The following CUEDC1 variants were observed in gnomAD, a reference collection of about 807,000 sequenced individuals.
CUEDC1 encodes the protein CUE domain-containing protein 1.
Under a neutral mutation model 43.7 loss-of-function variants are expected in CUEDC1, and 30 were observed. The ratio of observed to expected loss-of-function variants is 0.69; its 90% CI spans 0.51 to 0.93. The LOEUF (loss-of-function observed/expected upper bound fraction) is 0.93. CUEDC1 is among the 40% of genes least tolerant of loss of function. CUEDC1 has a pLI of 0.00. For missense variants in CUEDC1, 486 were observed against 549.0 expected (o/e 0.89, Z 1.15); for synonymous variants, 223 against 223.6 (o/e 1.00, Z 0.02).
chr17:57,944,561 T>C (rs974692482), intron 1 of CUEDC1, among the ~76,000 whole-genome samples: 1 of 152,240 alleles, frequency 6.6e-6, no homozygotes, highest in Admixed American at 6.5e-5. Context: ...AGATTATTCT[T>C]ACCAGCTCTA....
chr17:57,950,040 C>G (rs1277213928), intron 1 of CUEDC1, among the ~76,000 whole-genome samples: 1 of 152,182 alleles, frequency 6.6e-6, no homozygotes, highest in African/African-American at 2.4e-5. Context: ...TGTGAAGATT[C>G]AACGAGCTAA....
chr17:57,951,236 T>C (rs943836065), intron 1 of CUEDC1, among the ~76,000 whole-genome samples: 12 of 152,122 alleles, frequency 7.9e-5, no homozygotes, highest in African/African-American at 2.7e-4. Context: ...TTCGATGTAA[T>C]GAACACTTCC....
intron 1 of CUEDC1, among the ~76,000 whole-genome samples, chr17:57,901,764 A>C (rs1328580797): frequency 6.6e-6 from 1 of 152,244 alleles, no homozygotes; most frequent in Non-Finnish European, 1.5e-5. Flanking sequence ...TGCAAGTTTA[A>C]TTAGACTTAA....
Position 57,954,244 on chromosome 17 carries a change from G to GA in CUEDC1, c.-316+980_-316+981insT, listed in dbSNP as rs971734684. ...ACAAGACGCTGACTGCGGATCAGGT[G>GA]GGGAGCACGGTGGATGGTCTTCTTG... On this transcript the variant is annotated intron_variant, in intron 1 of 10. Coordinates refer to ENST00000577830, the MANE Select transcript of CUEDC1 (RefSeq NM_001271875.2). The surrounding 1 kb of genome is among the most constrained non-coding windows in gnomAD (Gnocchi z 4.3). Among the ~76,000 whole-genome samples the GA allele has an allele frequency of 1.3e-5, 2 of 152,154 alleles. No individual in the cohort carries two copies. Among genetic ancestry groups the GA allele is most frequent in the African/African-American group, 4.8e-5 (2 of 41,422 alleles).
chr17:57,948,405 C>A (rs575359672), intron 1 of CUEDC1, among the ~76,000 whole-genome samples: 2 of 152,064 alleles, frequency 1.3e-5, no homozygotes, highest in Non-Finnish European at 2.9e-5. Context: ...AGGAACATTG[C>A]GGGCCAGGGT....
intron 1 of CUEDC1, among the ~76,000 whole-genome samples, chr17:57,886,699 T>G (rs968946485): frequency 1.3e-5 from 2 of 152,250 alleles, no homozygotes; most frequent in Admixed American, 1.3e-4. Context: ...ATGTTTTATT[T>G]ATATCACAGA....
At chr17:57,926,446 T>A (rs2074748152) in intron 1 of CUEDC1, among the ~76,000 whole-genome samples, 1 of 151,990 alleles carries the variant, frequency 6.6e-6, no homozygotes, top group Non-Finnish European at 1.5e-5. Context: ...AGATACTACA[T>A]CAAAACATTT....
intron 1 of CUEDC1, among the ~76,000 whole-genome samples, chr17:57,917,544 C>T (rs1298893864): frequency 6.6e-6 from 1 of 152,206 alleles, no homozygotes; most frequent in Non-Finnish European, 1.5e-5. Flanking sequence ...CTGAGCATGC[C>T]ATGTGGGCCT....
intron 3 of CUEDC1, among the ~76,000 whole-genome samples, chr17:57,876,018 C>T (rs998069036): frequency 3.3e-5 from 5 of 152,136 alleles, no homozygotes; most frequent in Non-Finnish European, 4.4e-5. Context: ...CCAATACCCA[C>T]GCTCCCAAAC....
intron 1 of CUEDC1, among the ~76,000 whole-genome samples, chr17:57,902,319 C>T (rs1019765512): frequency 6.6e-6 from 1 of 152,124 alleles, no homozygotes; most frequent in African/African-American, 2.4e-5. Flanking sequence ...CAGAGCGAGA[C>T]CTCCATCTCA....
At chr17:57,921,490 T>A (rs1567718233) in intron 1 of CUEDC1, among the ~76,000 whole-genome samples, 1 of 152,262 alleles carries the variant, frequency 6.6e-6, no homozygotes, top group East Asian at 1.9e-4. Context: ...AGCCTCAGGC[T>A]GATTTTCAAA....
At chr17:57,952,416 G>A (rs774533605) in intron 1 of CUEDC1, among the ~76,000 whole-genome samples, 8 of 151,838 alleles carry the variant, frequency 5.3e-5, no homozygotes, top group Middle Eastern at 3.4e-3. Flanking sequence ...TAGTAGAGAC[G>A]GGGTTTCACC....
chr17:57,932,385 A>T (rs1285606631), intron 1 of CUEDC1, among the ~76,000 whole-genome samples: 6 of 151,728 alleles, frequency 4.0e-5, no homozygotes, highest in Non-Finnish European at 5.9e-5. Context: ...GGAGATCGAG[A>T]CCATCCTGGC....
At chr17:57,947,274 T>TC (rs1310365198) in intron 1 of CUEDC1, among the ~76,000 whole-genome samples, 1 of 152,116 alleles carries the variant, frequency 6.6e-6, no homozygotes, top group African/African-American at 2.4e-5. Context: ...GCTACTTCTC[T>TC]CTTATTTGCA....
chr17:57,879,521 T>G (rs1211307129), intron 3 of CUEDC1, 90 bp downstream of exon 3: 1 of 1,461,344 alleles, frequency 6.8e-7, no homozygotes, highest in Non-Finnish European at 9.0e-7. Context: ...TACTGAGCAG[T>G]CCAGCCAAGT....
chr17:57,932,334 C>T (rs2143162320), intron 1 of CUEDC1, among the ~76,000 whole-genome samples: 1 of 147,880 alleles, frequency 6.8e-6, no homozygotes, highest in South Asian at 2.1e-4. Flanking sequence ...GCCTGTAATC[C>T]CAGCACTTCA....
chr17:57,950,263 G>C (rs1376149336), intron 1 of CUEDC1, among the ~76,000 whole-genome samples: 1 of 151,776 alleles, frequency 6.6e-6, no homozygotes, highest in Non-Finnish European at 1.5e-5. Flanking sequence ...CGATTCTCCT[G>C]CCTCAGCTTC....
chr17:57,935,604 G>A (rs1053351641), intron 1 of CUEDC1, among the ~76,000 whole-genome samples: 22 of 151,730 alleles, frequency 1.4e-4, no homozygotes, highest in South Asian at 6.3e-4. Context: ...CTTTCCTCCC[G>A]AGGTTTGAAA....
intron 3 of CUEDC1, among the ~76,000 whole-genome samples, chr17:57,879,123 G>C (rs751705915): frequency 2.6e-4 from 39 of 152,206 alleles, no homozygotes; most frequent in Non-Finnish European, 3.5e-4. Context: ...CCTAGCCCAA[G>C]GATGGCAGCT....
Sources: allele counts gnomAD v4.1 joint callset (sites outside exome capture counted in the v4.1 genomes callset), GRCh38; gene constraint gnomAD v4.1.1; non-coding constraint Gnocchi (gnomAD v3.1); transcripts MANE v1.5; gene names NCBI Gene and HGNC (gene_info 2026-07-23, HGNC 2026-07-21).